Variants in SFXN2 observed in about 807,000 individuals in gnomAD.
SFXN2 encodes sideroflexin 2.
Under a neutral mutation model 41.9 loss-of-function variants are expected in SFXN2, and 37 were observed. The observed-to-expected ratio is 0.88, with a 90% CI of 0.68 to 1.16. SFXN2 has a LOEUF of 1.16. SFXN2 is among the 50% of genes most tolerant of loss of function. SFXN2 has a pLI of 0.00. For missense variants in SFXN2, 386 were observed against 425.2 expected (o/e 0.91, Z 0.81); for synonymous variants, 150 against 156.7 (o/e 0.96, Z 0.32).
intron 4 of SFXN2, among the ~76,000 whole-genome samples, chr10:102,728,961 G>A (rs1179543564): frequency 5.3e-5 from 8 of 152,170 alleles, no homozygotes; most frequent in Admixed American, 3.9e-4. Context: ...ACAGCAGAGC[G>A]GTGTCTGTGT....
chr10:102,726,332 G>A (rs2064592814), intron 1 of SFXN2, among the ~76,000 whole-genome samples: 1 of 152,178 alleles, frequency 6.6e-6, no homozygotes, highest in Non-Finnish European at 1.5e-5. Flanking sequence ...GTGGGCTTTT[G>A]TTCCCAGAGC....
chr10:102,726,805 G>C lies in SFXN2; in HGVS notation c.161+8G>C. The C allele has an allele frequency of 6.2e-7, 1 of 1,614,108 alleles. No homozygotes were observed. The highest frequency in any genetic ancestry group is 8.5e-7 in the Non-Finnish European group (1 of 1,179,996). ...GATGGTGGAGAAGAGCAGGTGAGGG[G>C]TCGGGGAAGGGGCTGGAAGTAGTAG... On this transcript the variant is annotated splice_region_variant and intron_variant, in intron 2 of 11. Coordinates refer to ENST00000369893, the MANE Select transcript of SFXN2 (RefSeq NM_178858.6).
At chr10:102,725,170 A>T (rs2064573395) in intron 1 of SFXN2, among the ~76,000 whole-genome samples, 1 of 152,130 alleles carries the variant, frequency 6.6e-6, no homozygotes, top group South Asian at 2.1e-4. Context: ...CCTTGTAATG[A>T]TACAGGAGCC....
At chr10:102,733,154 CT>C (rs2064727579) in intron 9 of SFXN2, among the ~76,000 whole-genome samples, 1 of 152,056 alleles carries the variant, frequency 6.6e-6, no homozygotes, top group South Asian at 2.1e-4. Flanking sequence ...GTGGGTTTTT[CT>C]TTTTTCTTTT....
At chr10:102,731,675 G>C (rs1268372027) in intron 6 of SFXN2, 48 bp from the exon 7 acceptor site, 1 of 1,554,772 alleles carries the variant, frequency 6.4e-7, no homozygotes, top group Non-Finnish European at 8.9e-7. Context: ...TGGCTGGCAG[G>C]CTTCCATCAC....
At chr10:102,737,628 G>T in intron 11 of SFXN2, 35 bp from the exon 12 acceptor site, 10 of 1,403,870 alleles carry the variant, frequency 7.1e-6, no homozygotes, top group Non-Finnish European at 1.0e-5. Flanking sequence ...GCTTGTTCCT[G>T]GTGGCATGCT....
At position 102,726,733 on chromosome 10, in the gene SFXN2, C is replaced by A. The variant is rs139182273; in HGVS notation, c.97C>A (p.Pro33Thr). Residue 33 changes from proline to threonine, a missense_variant, in exon 2 of 12, where the codon CCC (proline) becomes ACC (threonine). Coordinates refer to ENST00000369893, the MANE Select transcript of SFXN2 (RefSeq NM_178858.6). ...GAAGCACTTCCTAAACATCACGGACCCCCGCACTGTCTTTGTATCTGAGCG... is the reference window on the plus strand; with the variant it reads ...GAAGCACTTCCTAAACATCACGGACACCCGCACTGTCTTTGTATCTGAGCG... The part of the protein sequence containing the change: ...RVKHFLNITD[P>T]RTVFVSEREL... 1.2e-6 allele frequency: 2 copies of A among 1,614,146 alleles called. No individual in the cohort carries two copies. The highest frequency in any genetic ancestry group is 2.2e-5 in the East Asian group (1 of 44,890).
At chr10:102,733,369 C>T (rs1356060589) in intron 9 of SFXN2, among the ~76,000 whole-genome samples, 185 bp from the exon 10 acceptor site, 2 of 152,094 alleles carry the variant, frequency 1.3e-5, no homozygotes, top group Non-Finnish European at 1.5e-5. Flanking sequence ...AGGATGGTCT[C>T]GATCTCCTGA....
intron 1 of SFXN2, among the ~76,000 whole-genome samples, chr10:102,721,534 CTA>C (rs1464136607): frequency 2.7e-5 from 4 of 146,080 alleles, no homozygotes; most frequent in South Asian, 2.1e-4. Flanking sequence ...TAATTCATGT[CTA>C]TATAAATAAA....
intron 10 of SFXN2, 75 bp downstream of exon 10, chr10:102,733,678 G>A: frequency 8.0e-7 from 1 of 1,244,932 alleles, no homozygotes; most frequent in South Asian, 1.2e-5. Context: ...TCTAGCCCGT[G>A]TTGGAGAACG....
chr10:102,717,817 T>G, intron 1 of SFXN2: 2 of 984,864 alleles, frequency 2.0e-6, no homozygotes, highest in Non-Finnish European at 2.4e-6. Context: ...ATGTGAAACA[T>G]GTAGCAGTAA....
rs2064612567 is a variant in SFXN2 at position 102,727,127 on chromosome 10, T to A, written c.302T>A (p.Ile101Asn). 1 of 1,606,254 alleles carries A rather than the reference T, an allele frequency of 6.2e-7. No homozygotes were observed. The highest frequency in any genetic ancestry group is 1.7e-5 in the Admixed American group (1 of 59,874). ...RMSFQLPGGM[I>N]ITGFMLQFYR... The stretch of plus-strand genomic sequence containing the variant: ...TCTTTCCAGCTTCCTGGCGGCATGA[T>A]CATCACGGGCTTCATGCTCCAGTTC... Residue 101 changes from isoleucine (I) to asparagine (N), a missense_variant, in exon 3 of 12, where the codon ATC becomes AAC. Coordinates refer to ENST00000369893, the MANE Select transcript of SFXN2 (RefSeq NM_178858.6).
Position 102,728,447 on chromosome 10 carries a change from ATCT to A in SFXN2, c.353_355del (p.Phe118del), listed in dbSNP as rs760358339. 6.2e-7 allele frequency: 1 copy of A among 1,614,038 alleles called. No homozygotes were observed. Among genetic ancestry groups the A allele is most frequent in the South Asian group, 1.1e-5 (1 of 91,072 alleles). Reference sequence around the variant, plus strand: ...CACTGGTAGGACGATGCCGGCGGTGATCTTCTGGCAGTGGGTGAACCAGTCCTT... The same window carrying A: ...CACTGGTAGGACGATGCCGGCGGTGATCTGGCAGTGGGTGAACCAGTCCTT... On this transcript the variant is annotated inframe_deletion, in exon 4 of 12. Coordinates refer to ENST00000369893, the MANE Select transcript of SFXN2 (RefSeq NM_178858.6).
chr10:102,737,149 C>G (rs1266043366), intron 11 of SFXN2, among the ~76,000 whole-genome samples: 4 of 151,934 alleles, frequency 2.6e-5, no homozygotes, highest in Non-Finnish European at 5.9e-5. Context: ...AGTGAAACTC[C>G]ATCTCAATAA....
Position 102,741,440 on chromosome 10 carries a change from G to A in SFXN2, c.*3678G>A, listed in dbSNP as rs1177277723. 1 of 152,236 alleles carries A rather than the reference G, an allele frequency of 6.6e-6. No individual in the cohort carries two copies. The highest frequency in any genetic ancestry group is 1.9e-4 in the East Asian group (1 of 5,198). The allele number at this position is 152,236 out of a possible 1,614,324, so 9.4% of individuals were successfully genotyped here. ...ATGGGTAAAAGGTTCCATTGCTCGG[G>A]AGAGGAGGAGGAAGGGAAGAAGAAG... On this transcript the variant is annotated 3_prime_UTR_variant, in exon 12 of 12. Coordinates refer to ENST00000369893, the MANE Select transcript of SFXN2 (RefSeq NM_178858.6).
At chr10:102,731,096 A>C (rs1460804525) in intron 6 of SFXN2, among the ~76,000 whole-genome samples, 1 of 151,476 alleles carries the variant, frequency 6.6e-6, no homozygotes, top group African/African-American at 2.4e-5. Context: ...ACAAAAAAAA[A>C]ACCAAAAAAC....
chr10:102,722,579 G>T (rs1338055869), intron 1 of SFXN2, among the ~76,000 whole-genome samples: 1 of 152,190 alleles, frequency 6.6e-6, no homozygotes, highest in African/African-American at 2.4e-5. Flanking sequence ...CTGTCGTGCA[G>T]GCTGGAGTGC....
intron 1 of SFXN2, among the ~76,000 whole-genome samples, chr10:102,721,272 A>G (rs949523793): frequency 6.6e-6 from 1 of 151,876 alleles, no homozygotes; most frequent in Non-Finnish European, 1.5e-5. Flanking sequence ...CCCAGCACTT[A>G]GGGAGGATGA....
At chr10:102,732,041 C>T in intron 7 of SFXN2, 111 bp from the exon 8 acceptor site, 1 of 1,074,016 alleles carries the variant, frequency 9.3e-7, no homozygotes, top group Non-Finnish European at 1.4e-6. Context: ...GAGGGTCCTT[C>T]CCTTCCCCTT....
Sources: gnomAD v4.1 joint callset for allele counts (sites outside exome capture counted in the v4.1 genomes callset) on GRCh38, gnomAD v4.1.1 for gene constraint, MANE v1.5 for transcripts, NCBI Gene and HGNC (gene_info 2026-07-23, HGNC 2026-07-21) for gene names.